ZNF438: variants seen among roughly 807,000 people sequenced by gnomAD.
The protein encoded by ZNF438 is zinc finger protein 438.
ZNF438 carries 25 observed loss-of-function variants against 38.0 expected under a neutral mutation model. That is an observed-to-expected ratio of 0.66 (90% CI 0.48 to 0.92). The LOEUF is 0.92. Among genes scored for constraint, ZNF438 ranks in the 40% least tolerant of loss-of-function variants. The pLI, the probability that ZNF438 is intolerant of heterozygous loss-of-function variation, is 0.00. For synonymous variants in ZNF438, 372 were observed against 364.1 expected (o/e 1.02, Z -0.25); for missense variants, 1,007 against 999.6 (o/e 1.01, Z -0.10).
exon 5 of ZNF438, chr10:30,848,692 A>G (rs774126901): frequency 6.2e-7 from 1 of 1,614,122 alleles, no homozygotes; most frequent in Non-Finnish European, 8.5e-7. Flanking sequence ...CTTTTGCACA[A>G]AACTCACAAC....
chr10:30,970,422 C>A (rs2050619028), intron 1 of ZNF438, among the ~76,000 whole-genome samples: 4 of 152,188 alleles, frequency 2.6e-5, no homozygotes, highest in Admixed American at 6.5e-5. Context: ...GTAATTTCGA[C>A]CCTACAGCTG....
chr10:30,917,522 CTCATTT>C (rs1380773752), intron 2 of ZNF438, among the ~76,000 whole-genome samples: 1 of 152,108 alleles, frequency 6.6e-6, no homozygotes, highest in Non-Finnish European at 1.5e-5. Context: ...GTTTCTCATT[CTCATTT>C]TAACCTGCAT....
chr10:30,968,249 C>T (rs966277084), intron 1 of ZNF438, among the ~76,000 whole-genome samples: 2 of 152,008 alleles, frequency 1.3e-5, no homozygotes, highest in African/African-American at 4.8e-5. Context: ...ATAAAGCTGA[C>T]CAAACAGGTC....
At chr10:30,907,165 C>T (rs903822777) in intron 3 of ZNF438, among the ~76,000 whole-genome samples, 54 of 152,012 alleles carry the variant, frequency 3.6e-4, no homozygotes, top group African/African-American at 1.1e-3. Context: ...AGTAGAGACG[C>T]GGTTTCACCA....
At chr10:30,964,269 G>A (rs2049873648) in intron 1 of ZNF438, among the ~76,000 whole-genome samples, 3 of 152,126 alleles carry the variant, frequency 2.0e-5, no homozygotes, top group Admixed American at 1.3e-4. Flanking sequence ...CCAACTATTT[G>A]TTTAATGCCC....
chr10:31,023,751 T>C (rs551937312), intron 1 of ZNF438, among the ~76,000 whole-genome samples: 2 of 152,324 alleles, frequency 1.3e-5, no homozygotes, highest in Admixed American at 6.5e-5. Flanking sequence ...CTTAAGCACT[T>C]TGCCAACAAA....
At chr10:30,849,960 C>T in exon 5 of ZNF438, 1 of 1,614,118 alleles carries the variant, frequency 6.2e-7, no homozygotes, top group Non-Finnish European at 8.5e-7. Context: ...TGGGCAGGAG[C>T]TTTGCTACAG....
intron 1 of ZNF438, among the ~76,000 whole-genome samples, chr10:30,942,276 A>G (rs561817482): frequency 6.6e-6 from 1 of 152,308 alleles, no homozygotes; most frequent in South Asian, 2.1e-4. Flanking sequence ...GATTCAGTAC[A>G]TGGGGCTTTA....
At chr10:30,890,083 C>CAAAAAAAAAAA (rs71863439) in intron 3 of ZNF438, among the ~76,000 whole-genome samples, 57 of 93,286 alleles carry the variant, frequency 6.1e-4, no homozygotes, top group East Asian at 1.5e-3. Context: ...TTGGCATTTC[C>CAAAAAAAAAAA]AAAAAAAAAA....
intron 3 of ZNF438, among the ~76,000 whole-genome samples, chr10:30,889,126 A>G (rs1371637757): frequency 2.0e-5 from 3 of 152,206 alleles, no homozygotes; most frequent in East Asian, 1.9e-4. Flanking sequence ...CATTTGCTCA[A>G]TTGTAATAAC....
intron 4 of ZNF438, among the ~76,000 whole-genome samples, chr10:30,858,964 A>G (rs918340137): frequency 1.3e-5 from 2 of 152,120 alleles, no homozygotes; most frequent in African/African-American, 2.4e-5. Context: ...CTTTATCAAT[A>G]CTGTTTCTTT....
chr10:31,020,892 GA>G (rs2056545132), intron 1 of ZNF438, among the ~76,000 whole-genome samples: 1 of 151,838 alleles, frequency 6.6e-6, no homozygotes, highest in African/African-American at 2.4e-5. Context: ...ACAGAGACAA[GA>G]ATCAGACTTT....
chr10:30,981,051 T>C (rs1356163050), intron 1 of ZNF438, among the ~76,000 whole-genome samples: 1 of 152,186 alleles, frequency 6.6e-6, no homozygotes, highest in East Asian at 1.9e-4. Context: ...GGATCAAAGT[T>C]TTCACAACAG....
chr10:31,000,288 G>A (rs975233824), intron 1 of ZNF438, among the ~76,000 whole-genome samples: 2 of 152,080 alleles, frequency 1.3e-5, no homozygotes, highest in African/African-American at 2.4e-5. Flanking sequence ...ACGTTATCTC[G>A]TCCTTGTTAA....
chr10:30,888,309 T>C (rs914143304), intron 3 of ZNF438, among the ~76,000 whole-genome samples: 25 of 142,634 alleles, frequency 1.8e-4, no homozygotes, highest in Non-Finnish European at 3.6e-4. Context: ...AGAACCCAAA[T>C]ACCTTCAGGC....
intron 1 of ZNF438, among the ~76,000 whole-genome samples, chr10:31,003,262 A>G (rs1031240827): frequency 6.6e-6 from 1 of 152,180 alleles, no homozygotes; most frequent in Admixed American, 6.5e-5. Flanking sequence ...TATTTAATGA[A>G]GGAAACACTC....
At chr10:30,913,893 G>A (rs1043841118) in intron 2 of ZNF438, among the ~76,000 whole-genome samples, 1 of 152,108 alleles carries the variant, frequency 6.6e-6, no homozygotes, top group Admixed American at 6.6e-5. Context: ...TCGGTATACA[G>A]GTGATGATTC....
intron 4 of ZNF438, among the ~76,000 whole-genome samples, chr10:30,874,597 A>C (rs970933488): frequency 6.6e-6 from 1 of 152,128 alleles, no homozygotes; most frequent in Admixed American, 6.6e-5. Context: ...CATAGGACTT[A>C]CATGTATTCA....
intron 1 of ZNF438, among the ~76,000 whole-genome samples, chr10:31,003,680 C>T (rs897177005): frequency 4.6e-5 from 7 of 152,206 alleles, no homozygotes; most frequent in African/African-American, 1.7e-4. Flanking sequence ...ATACAAGCTA[C>T]TACCATTTTT....
Sources: gnomAD v4.1 joint callset for allele counts (sites outside exome capture counted in the v4.1 genomes callset) on GRCh38, gnomAD v4.1.1 for gene constraint, MANE v1.5 for transcripts, NCBI Gene and HGNC (gene_info 2026-07-23, HGNC 2026-07-21) for gene names.